The following CHODL variants were observed in gnomAD, a reference collection of about 807,000 sequenced individuals.
CHODL encodes transmembrane protein MT75.
Under a neutral mutation model 34.5 loss-of-function variants are expected in CHODL, and 29 were observed. The ratio of observed to expected loss-of-function variants is 0.84; its 90% confidence interval spans 0.63 to 1.15. The LOEUF (loss-of-function observed/expected upper bound fraction) is 1.15, where lower values mean the gene tolerates loss of function less well. Ranked by LOEUF, CHODL falls within the 50% of genes most tolerant of loss-of-function variation. CHODL has a pLI of 0.00. For synonymous variants in CHODL, 125 were observed against 116.1 expected (o/e 1.08, Z -0.49); for missense variants, 332 against 332.5 (o/e 1.00, Z 0.01).
At chr21:18,173,825 A>C (rs145370232) in intron 2 of CHODL, among the ~76,000 whole-genome samples, 236 of 152,094 alleles carry the variant, frequency 1.6e-3, no homozygotes, top group African/African-American at 5.4e-3. Context: ...GTTGAGCTTC[A>C]CAGGATAAAG....
At chr21:18,127,662 C>T (rs73200957) in intron 2 of CHODL, among the ~76,000 whole-genome samples, 9,802 of 125,112 alleles carry the variant, frequency 0.078, 397 homozygotes, top group Middle Eastern at 0.16. Context: ...TAACCAGTTG[C>T]GTTGCCATTG....
At chr21:17,948,339 A>G (rs9647198) in intron 1 of CHODL, among the ~76,000 whole-genome samples, 63,829 of 151,378 alleles carry the variant, frequency 0.42, 13,777 homozygotes, top group East Asian at 0.64. Context: ...TTATGTTAAA[A>G]GAAGAAAGAT....
chr21:18,230,232 T>G (rs1467005259), intron 2 of CHODL, among the ~76,000 whole-genome samples: 2 of 152,216 alleles, frequency 1.3e-5, no homozygotes, highest in East Asian at 3.9e-4. Flanking sequence ...GCTAAAAAAT[T>G]TCTTGCTGAA....
At chr21:18,185,034 C>A (rs749004969) in intron 2 of CHODL, among the ~76,000 whole-genome samples, 30 of 151,826 alleles carry the variant, frequency 2.0e-4, no homozygotes, top group Non-Finnish European at 3.7e-4. Context: ...TTTTTATTTT[C>A]TTTTTATACT....
chr21:18,033,405 A>T (rs1400258927), intron 2 of CHODL, among the ~76,000 whole-genome samples: 1 of 152,028 alleles, frequency 6.6e-6, no homozygotes. Flanking sequence ...ACATATATTT[A>T]AAAAGAACCA....
intron 2 of CHODL, among the ~76,000 whole-genome samples, chr21:18,115,208 A>C (rs1318109747): frequency 6.6e-6 from 1 of 152,210 alleles, no homozygotes; most frequent in Non-Finnish European, 1.5e-5. Context: ...AGTTGCTGTA[A>C]ATCAGGAGCC....
At chr21:18,027,974 A>G (rs1409474502) in intron 2 of CHODL, 1 of 152,530 alleles carries the variant, frequency 6.6e-6, no homozygotes, top group African/African-American at 2.4e-5. Context: ...CCAGAACTGT[A>G]AGAAATAAAT....
At chr21:18,209,356 G>A (rs2073748727) in intron 2 of CHODL, among the ~76,000 whole-genome samples, 1 of 152,152 alleles carries the variant, frequency 6.6e-6, no homozygotes, top group African/African-American at 2.4e-5. Context: ...GTTCACTCAA[G>A]GTTCAAGGGC....
Position 18,037,804 on chromosome 21 carries a change from G to A in CHODL, c.-45+9833G>A, listed in dbSNP as rs1184707415. ...TTAGAACACTTAGCAGCAATAACCA[G>A]TGTTAAGAGAGGGGAATATACAAAC... is the stretch of plus-strand genomic sequence containing the variant. On this transcript the variant is annotated intron_variant, in intron 2 of 6. Coordinates refer to the CHODL transcript ENST00000400127. Among the ~76,000 whole-genome samples, 3 of 151,640 alleles carry A rather than the reference G, an allele frequency of 2.0e-5. No individual in the cohort carries two copies. In the East Asian group the frequency reaches 5.8e-4, roughly 29 times the overall value.
intron 2 of CHODL, among the ~76,000 whole-genome samples, chr21:18,208,859 C>G (rs980954956): frequency 6.6e-6 from 1 of 151,722 alleles, no homozygotes; most frequent in Non-Finnish European, 1.5e-5. Flanking sequence ...CTCTTTCTCT[C>G]TCTCTGTCCC....
intron 1 of CHODL, among the ~76,000 whole-genome samples, chr21:17,991,733 T>C (rs1019274032): frequency 2.0e-5 from 3 of 151,792 alleles, no homozygotes; most frequent in Non-Finnish European, 4.4e-5. Flanking sequence ...TATCAATCTC[T>C]TGTCCAATAA....
intron 2 of CHODL, among the ~76,000 whole-genome samples, chr21:18,233,148 TAA>T (rs2073998632): frequency 6.6e-6 from 1 of 151,968 alleles, no homozygotes; most frequent in South Asian, 2.1e-4. Context: ...CAGCCTCTGA[TAA>T]CCACTGTTCT....
intron 1 of CHODL, among the ~76,000 whole-genome samples, chr21:17,948,815 C>T (rs181188421): frequency 3.9e-5 from 6 of 152,154 alleles, no homozygotes; most frequent in African/African-American, 1.2e-4. Flanking sequence ...CTGCTGAATT[C>T]TAATAAACAT....
chr21:18,170,987 C>T (rs972440837), intron 2 of CHODL, among the ~76,000 whole-genome samples: 4 of 151,596 alleles, frequency 2.6e-5, no homozygotes, highest in Non-Finnish European at 5.9e-5. Flanking sequence ...TTTATGTTTA[C>T]CTGGAGATAT....
chr21:18,109,927 T>C (rs1290218034), intron 2 of CHODL, among the ~76,000 whole-genome samples: 2 of 152,108 alleles, frequency 1.3e-5, no homozygotes, highest in Non-Finnish European at 2.9e-5. Context: ...AGACATGTGC[T>C]CTCTTACAGG....
intron 1 of CHODL, among the ~76,000 whole-genome samples, chr21:17,929,112 T>A (rs2063250818): frequency 6.6e-6 from 1 of 152,220 alleles, no homozygotes; most frequent in South Asian, 2.1e-4. Context: ...ATTTTACTTG[T>A]TCCATGTGAA....
intron 1 of CHODL, among the ~76,000 whole-genome samples, chr21:17,979,998 A>T (rs1163229419): frequency 6.6e-6 from 1 of 152,156 alleles, no homozygotes; most frequent in Non-Finnish European, 1.5e-5. Context: ...CTACTTCAAT[A>T]GAAAAATGTT....
At chr21:18,190,537 G>A (rs1042204321) in intron 2 of CHODL, among the ~76,000 whole-genome samples, 1 of 152,166 alleles carries the variant, frequency 6.6e-6, no homozygotes, top group Non-Finnish European at 1.5e-5. Context: ...TGCTGAAAAT[G>A]TCTTACTCAG....
At chr21:18,235,462 C>CT (rs962896987) in intron 2 of CHODL, among the ~76,000 whole-genome samples, 51 of 152,118 alleles carry the variant, frequency 3.4e-4, no homozygotes, top group Admixed American at 1.4e-3. Context: ...CTGTACTGGG[C>CT]TGGAGGAGAC....
Sources: gnomAD v4.1 joint callset for allele counts (sites outside exome capture counted in the v4.1 genomes callset) on GRCh38, gnomAD v4.1.1 for gene constraint, MANE v1.5 for transcripts, NCBI Gene and HGNC (gene_info 2026-07-23, HGNC 2026-07-21) for gene names.